The following ARSB variants were observed in gnomAD, a reference collection of about 807,000 sequenced individuals.
ARSB encodes the protein arylsulfatase B, also known as N-acetylgalactosamine-4-sulfatase.
ARSB carries 41 observed loss-of-function variants against 50.9 expected under a neutral mutation model. That is an observed-to-expected ratio of 0.81 (90% CI 0.63 to 1.04). The LOEUF is 1.04. Among genes scored for constraint, ARSB ranks in the 50% least tolerant of loss-of-function variants. The pLI is 0.00. For missense variants in ARSB, 672 were observed against 693.3 expected (o/e 0.97, Z 0.35); for synonymous variants, 269 against 284.8 (o/e 0.94, Z 0.56).
intron 3 of ARSB, among the ~76,000 whole-genome samples, chr5:78,962,569 C>T (rs1350726952): frequency 1.4e-5 from 2 of 139,692 alleles, no homozygotes; most frequent in African/African-American, 5.7e-5. Context: ...GCTCTGTCGC[C>T]CAGGCTGGAG....
intron 3 of ARSB, among the ~76,000 whole-genome samples, chr5:78,964,023 C>G (rs1752107982): frequency 6.6e-6 from 1 of 152,160 alleles, no homozygotes; most frequent in Non-Finnish European, 1.5e-5. Context: ...CTAAGCCAAT[C>G]ATTTTTTAAG....
chr5:78,948,106 G>C (rs918767976), intron 4 of ARSB, among the ~76,000 whole-genome samples: 1 of 152,112 alleles, frequency 6.6e-6, no homozygotes, highest in Non-Finnish European at 1.5e-5. Context: ...TAGAGGTAGA[G>C]AATAGAAGGA....
intron 2 of ARSB, among the ~76,000 whole-genome samples, chr5:78,968,331 T>C (rs1474585739): frequency 1.4e-5 from 1 of 72,638 alleles, no homozygotes; most frequent in Non-Finnish European, 2.6e-5. Flanking sequence ...ATTATTATTA[T>C]TATTATTATT....
chr5:78,918,861 G>A (rs564683339), intron 4 of ARSB, among the ~76,000 whole-genome samples: 6 of 152,146 alleles, frequency 3.9e-5, no homozygotes, highest in Non-Finnish European at 8.8e-5. Context: ...GAAGCATTAA[G>A]TGCCTGAACA....
intron 6 of ARSB, among the ~76,000 whole-genome samples, chr5:78,797,157 C>T (rs1340876659): frequency 2.6e-5 from 4 of 152,142 alleles, no homozygotes; most frequent in African/African-American, 4.8e-5. Context: ...GGATTACAGG[C>T]GTGAGCCACC....
rs538639859 is a variant in ARSB at position 78,982,049 on chromosome 5, G to C, written c.312+2888C>G. Among the ~76,000 whole-genome samples, 3 of 86,234 alleles carry C rather than the reference G, an allele frequency of 3.5e-5. 1 individual carries two copies. In the South Asian group the frequency reaches 1.0e-3, roughly 29 times the overall value. The allele number at this position is 86,234 out of a possible 152,430, so 56.6% of individuals were successfully genotyped here. A position where few individuals can be genotyped will look rare whatever the true frequency, so the allele number is the denominator to read the frequency against. ...CGCCATTCTCCTGCCTCAGCCTCCC[G>C]AGTAGCTGGGACTACAGGCGCCCGC... On this transcript the variant is annotated intron_variant, in intron 1 of 7. Coordinates refer to ENST00000264914, the MANE Select transcript of ARSB (RefSeq NM_000046.5).
At chr5:78,867,132 C>T (rs1464316834) in intron 5 of ARSB, among the ~76,000 whole-genome samples, 2 of 152,148 alleles carry the variant, frequency 1.3e-5, no homozygotes, top group African/African-American at 2.4e-5. Context: ...CGGCGTACCA[C>T]GAGACTATAT....
At chr5:78,901,775 A>G (rs1002196861) in intron 4 of ARSB, among the ~76,000 whole-genome samples, 8 of 152,240 alleles carry the variant, frequency 5.3e-5, no homozygotes, top group Non-Finnish European at 1.2e-4. Flanking sequence ...ACACAAAAAG[A>G]TGTCCCACAT....
intron 5 of ARSB, among the ~76,000 whole-genome samples, chr5:78,844,404 T>C (rs1194552256): frequency 6.6e-6 from 1 of 152,224 alleles, no homozygotes; most frequent in African/African-American, 2.4e-5. Context: ...CTTTTTATGA[T>C]TGAGTTGCAT....
Position 78,778,242 on chromosome 5 carries a change from G to A in ARSB, c.*2155C>T, listed in dbSNP as rs1748825888. 6.6e-6 allele frequency: 1 copy of A among 152,332 alleles called. No homozygotes were observed. Among genetic ancestry groups the A allele is most frequent in the East Asian group, 1.9e-4 (1 of 5,182 alleles). The allele number at this position is 152,332 out of a possible 1,614,324, so 9.4% of individuals were successfully genotyped here. The stretch of plus-strand genomic sequence containing the variant: ...TCGGCCATACACTTCCAAGTGGGAG[G>A]TGATGGCAGTTTGGTCAGCTGTTTG... On this transcript the variant is annotated 3_prime_UTR_variant, in exon 8 of 8. Coordinates refer to ENST00000264914, the MANE Select transcript of ARSB (RefSeq NM_000046.5).
chr5:78,975,506 G>T (rs1242479681), intron 1 of ARSB, among the ~76,000 whole-genome samples: 1 of 152,218 alleles, frequency 6.6e-6, no homozygotes, highest in East Asian at 1.9e-4. Context: ...AAACCTTGGA[G>T]TCATCTTTCA....
intron 5 of ARSB, among the ~76,000 whole-genome samples, chr5:78,846,386 A>C (rs1745442352): frequency 6.6e-6 from 1 of 152,056 alleles, no homozygotes; most frequent in African/African-American, 2.4e-5. Flanking sequence ...GTGCATGTAA[A>C]TTTTAGGATT....
chr5:78,912,576 T>C lies in ARSB; in HGVS notation c.899-26749A>G, dbSNP rs146973971. 2.0e-5 allele frequency among the ~76,000 whole-genome samples: 3 copies of C among 152,324 alleles called. No individual in the cohort carries two copies. The East Asian group carries it at 5.8e-4, about 29-fold the overall frequency. ...TTTCAGGGAAAAGCAAATAAACATA[T>C]TTGCTGCGGTGGTTTCAGGTTTACC... On this transcript the variant is annotated intron_variant, in intron 4 of 7. Coordinates refer to ENST00000264914, the MANE Select transcript of ARSB (RefSeq NM_000046.5).
chr5:78,936,789 T>C (rs898324756), intron 4 of ARSB, among the ~76,000 whole-genome samples: 26 of 152,226 alleles, frequency 1.7e-4, no homozygotes, highest in Admixed American at 1.7e-3. Flanking sequence ...ATGCATTCAA[T>C]AATGTTTGTT....
intron 5 of ARSB, among the ~76,000 whole-genome samples, chr5:78,867,125 C>T (rs1016819585): frequency 1.3e-5 from 2 of 152,244 alleles, no homozygotes; most frequent in East Asian, 3.9e-4. Flanking sequence ...TAAAAAACGG[C>T]GTACCACGAG....
chr5:78,787,299 G>A (rs538065120), intron 6 of ARSB, among the ~76,000 whole-genome samples: 6 of 152,152 alleles, frequency 3.9e-5, no homozygotes, highest in Admixed American at 2.0e-4. Context: ...GTCAAGCTTA[G>A]TAGTAACCTT....
At chr5:78,921,398 A>G (rs1580063417) in intron 4 of ARSB, among the ~76,000 whole-genome samples, 1 of 150,624 alleles carries the variant, frequency 6.6e-6, no homozygotes, top group Middle Eastern at 3.4e-3. Flanking sequence ...ACACACATAT[A>G]TGTGTATGTA....
At chr5:78,931,320 T>C (rs1750316541) in intron 4 of ARSB, among the ~76,000 whole-genome samples, 1 of 152,208 alleles carries the variant, frequency 6.6e-6, no homozygotes, top group Non-Finnish European at 1.5e-5. Flanking sequence ...GTATAAACAA[T>C]GCATCACTTT....
chr5:78,954,411 G>A lies in ARSB; in HGVS notation c.898+884C>T, dbSNP rs527550465. ...GGAAACAGAATGGCATCGCCATAAT[G>A]AAAATGATTTTCAAAAGTAATCTCT... On this transcript the variant is annotated intron_variant, in intron 4 of 7. Transcript: ENST00000264914. Among the ~76,000 whole-genome samples, 158 of 152,256 alleles carry A rather than the reference G, an allele frequency of 1.0e-3. 1 individual carries two copies. Among genetic ancestry groups the A allele is most frequent in the Non-Finnish European group, 1.7e-3 (116 of 68,000 alleles).
Sources: gnomAD v4.1 joint callset for allele counts (sites outside exome capture counted in the v4.1 genomes callset) on GRCh38, gnomAD v4.1.1 for gene constraint, MANE v1.5 for transcripts, NCBI Gene and HGNC (gene_info 2026-07-23, HGNC 2026-07-21) for gene names.